The following GRPEL1 variants were observed in gnomAD, a reference collection of about 807,000 sequenced individuals.
GRPEL1 encodes the protein grpE protein homolog 1, mitochondrial.
A neutral mutation model predicts 22.1 loss-of-function variants in GRPEL1; 13 were observed. The ratio of observed to expected loss-of-function variants is 0.59; its 90% CI spans 0.38 to 0.94. The LOEUF (loss-of-function observed/expected upper bound fraction) is 0.94, where lower values mean the gene tolerates loss of function less well. Among genes scored for constraint, GRPEL1 ranks in the 40% least tolerant of loss-of-function variants. The pLI, the probability that GRPEL1 is intolerant of heterozygous loss-of-function variation, is 0.00. For missense variants in GRPEL1, 289 were observed against 264.6 expected (o/e 1.09, Z -0.64); for synonymous variants, 109 against 105.3 (o/e 1.03, Z -0.21).
chr4:7,061,033 G>C lies in GRPEL1; in HGVS notation c.483C>G (p.Leu161=). 6.2e-7 allele frequency: 1 copy of C among 1,614,194 alleles called. No individual in the cohort carries two copies. Among genetic ancestry groups the C allele is most frequent in the Non-Finnish European group, 8.5e-7 (1 of 1,180,036 alleles). ...IQKVFTKHGL[L]KLNPVGAKFD... is the part of the protein sequence containing the mutation. ...ACTTGGCTCCGACAGGGTTCAACTT[G>C]AGCAAGCCATGCTTTGTGAACACCT... Residue 161 remains leucine, a synonymous_variant, in exon 4 of 4, where the codon CTC becomes CTG. Coordinates refer to ENST00000264954, the MANE Select transcript of GRPEL1 (RefSeq NM_025196.4).
chr4:7,064,392 T>C (rs958156491), intron 1 of GRPEL1, 169 bp from the exon 2 acceptor site: 2 of 565,916 alleles, frequency 3.5e-6, no homozygotes, highest in African/African-American at 1.9e-5. Flanking sequence ...ATATAGAAGC[T>C]ATATTAGTAA....
chr4:7,062,945 T>C (rs1724080140), intron 2 of GRPEL1, among the ~76,000 whole-genome samples: 1 of 152,216 alleles, frequency 6.6e-6, no homozygotes, highest in African/African-American at 2.4e-5. Flanking sequence ...GGCAGCTTAA[T>C]GAAAGCTTAA....
Position 7,060,790 on chromosome 4 carries a change from G to A in GRPEL1, c.*72C>T, listed in dbSNP as rs1338660463. The stretch of plus-strand genomic sequence containing the variant: ...TGGGAAAAGGTCACACGTACTCATA[G>A]ATGAGAAACAATGAACCAGCCTTGA... On this transcript the variant is annotated 3_prime_UTR_variant, in exon 4 of 4. Coordinates refer to ENST00000264954, the MANE Select transcript of GRPEL1 (RefSeq NM_025196.4). The A allele has an allele frequency of 7.5e-7, 1 of 1,333,380 alleles. No homozygotes were observed. Among genetic ancestry groups the A allele is most frequent in the Non-Finnish European group, 1.0e-6 (1 of 958,734 alleles). 82.6% of individuals were successfully genotyped at this position (1,333,380 alleles called of 1,614,324 possible). A position where few individuals can be genotyped will look rare whatever the true frequency, so the allele number is the denominator to read the frequency against.
rs1179815093 is a variant in GRPEL1 at position 7,064,157 on chromosome 4, G to A, written c.129C>T (p.Asp43=). 1.1e-5 allele frequency: 18 copies of A among 1,614,062 alleles called. No homozygotes were observed. Among genetic ancestry groups the A allele is most frequent in the Admixed American group, 5.0e-5 (3 of 60,006 alleles). ...CTGCCTTCTGTTCACTCTGACCCAT[G>A]TCCTCTTCCAGGTTCTGGCCACTGT... The part of the protein sequence containing the change: ...QKNSGQNLEE[D]MGQSEQKADP... The change falls in exon 2 of 4, where the codon GAC becomes GAT. Residue 43 remains aspartate, a synonymous_variant. Transcript: ENST00000264954.
chr4:7,060,823 A>T lies in GRPEL1; in HGVS notation c.*39T>A. ...ACAATGAACCAGCCTTGAGAGTTAC[A>T]TCAAGTGAGTTTAAAAACACCCACC... On this transcript the variant is annotated 3_prime_UTR_variant, in exon 4 of 4. Coordinates refer to ENST00000264954, the MANE Select transcript of GRPEL1 (RefSeq NM_025196.4). The T allele has an allele frequency of 6.6e-7, 1 of 1,519,276 alleles. No individual in the cohort carries two copies. The highest frequency in any genetic ancestry group is 9.0e-7 in the Non-Finnish European group (1 of 1,110,542). 94.1% of individuals were successfully genotyped at this position (1,519,276 alleles called of 1,614,324 possible). A position where few individuals can be genotyped will look rare whatever the true frequency, so the allele number is the denominator to read the frequency against.
At chr4:7,062,260 G>C in intron 3 of GRPEL1, 125 bp downstream of exon 3, 1 of 436,332 alleles carries the variant, frequency 2.3e-6, no homozygotes, top group Non-Finnish European at 4.2e-6. Context: ...AAAAATGCAG[G>C]GGATGCAACA....
At chr4:7,066,521 GT>G (rs763508661) in intron 1 of GRPEL1, among the ~76,000 whole-genome samples, 19 of 152,354 alleles carry the variant, frequency 1.2e-4, no homozygotes, top group Non-Finnish European at 2.6e-4. Context: ...CTCCATTACA[GT>G]CTTGCCATGG....
chr4:7,065,279 C>T (rs1042438797), intron 1 of GRPEL1, among the ~76,000 whole-genome samples: 1 of 152,194 alleles, frequency 6.6e-6, no homozygotes, highest in Non-Finnish European at 1.5e-5. Context: ...CTTAGGGAGG[C>T]CAAAGCAGGT....
chr4:7,061,515 G>C, intron 3 of GRPEL1: 2 of 302,692 alleles, frequency 6.6e-6, no homozygotes, highest in South Asian at 7.9e-5. Flanking sequence ...TAGGGGACTG[G>C]AACTCGGAAG....
intron 2 of GRPEL1, 43 bp from the exon 3 acceptor site, chr4:7,062,509 TATATATC>T (rs200984163): frequency 0.023 from 10,365 of 449,288 alleles, 302 homozygotes; most frequent in South Asian, 0.027. Context: ...TATATATATA[TATATATC>T]TTTTTTTTTG....
chr4:7,065,989 G>A (rs1342520999), intron 1 of GRPEL1, among the ~76,000 whole-genome samples: 1 of 152,092 alleles, frequency 6.6e-6, no homozygotes, highest in Non-Finnish European at 1.5e-5. Context: ...GAGTAGCTGG[G>A]ACTATAGGCG....
rs753103637 is a variant in GRPEL1 at position 7,062,355 on chromosome 4, G to A, written c.307+30C>T. 3.0e-5 allele frequency: 36 copies of A among 1,182,146 alleles called. No individual in the cohort carries two copies. The Middle Eastern group carries it at 1.2e-3, about 39-fold the overall frequency. The allele number at this position is 1,182,146 out of a possible 1,614,324, so 73.2% of individuals were successfully genotyped here. ...TTCCCCACCCCATTATCTTCTTTCC[G>A]GAATCAACACCATGTTATGTTGAAA... On this transcript the variant is annotated intron_variant, in intron 3 of 3. Transcript: ENST00000264954.
chr4:7,062,491 TATATATA>T lies in GRPEL1; in HGVS notation c.226-32_226-26del, dbSNP rs760550547. Reference sequence around the variant, plus strand: ...CCTAAAAGAGAAAAAAAGGGATATTTATATATATATATATATATATATATCTTTTTTT... The same window carrying T: ...CCTAAAAGAGAAAAAAAGGGATATTTTATATATATATATATATCTTTTTTT... On this transcript the variant is annotated intron_variant, in intron 2 of 3. Transcript: ENST00000264954. 4 of 733,568 alleles carry T rather than the reference TATATATA, an allele frequency of 5.5e-6. 1 individual carries two copies. The highest frequency in any genetic ancestry group is 2.9e-5 in the South Asian group (1 of 34,810). The allele number at this position is 733,568 out of a possible 1,614,324, so 45.4% of individuals were successfully genotyped here.
chr4:7,060,636 G>C lies in GRPEL1; in HGVS notation c.*226C>G. 1.8e-6 allele frequency: 1 copy of C among 559,466 alleles called. No individual in the cohort carries two copies. Among genetic ancestry groups the C allele is most frequent in the Non-Finnish European group, 3.2e-6 (1 of 316,488 alleles). The allele number at this position is 559,466 out of a possible 1,614,324, so 34.7% of individuals were successfully genotyped here. Reference sequence around the variant, plus strand: ...AGGCAGGGCCCTGCTGAGCTCTTCTGAAAGTATGTGGAACTATTCAACGCG... The same window carrying C: ...AGGCAGGGCCCTGCTGAGCTCTTCTCAAAGTATGTGGAACTATTCAACGCG... On this transcript the variant is annotated 3_prime_UTR_variant, in exon 4 of 4. Transcript: ENST00000264954.
At chr4:7,067,650 G>C (rs56659624) in intron 1 of GRPEL1, 44,056 of 407,488 alleles carry the variant, frequency 0.11, 3,088 homozygotes, top group East Asian at 0.31. Context: ...CCGTGAATGC[G>C]CGCGAGGCGT....
chr4:7,060,787 A>C lies in GRPEL1; in HGVS notation c.*75T>G. The C allele has an allele frequency of 7.6e-7, 1 of 1,313,876 alleles. No individual in the cohort carries two copies. The highest frequency in any genetic ancestry group is 1.4e-5 in the South Asian group (1 of 72,532). 81.4% of individuals were successfully genotyped at this position (1,313,876 alleles called of 1,614,324 possible). ...GTTTGGGAAAAGGTCACACGTACTC[A>C]TAGATGAGAAACAATGAACCAGCCT... On this transcript the variant is annotated 3_prime_UTR_variant, in exon 4 of 4. Transcript: ENST00000264954.
At chr4:7,067,185 C>G (rs1724188341) in intron 1 of GRPEL1, among the ~76,000 whole-genome samples, 1 of 152,084 alleles carries the variant, frequency 6.6e-6, no homozygotes, top group African/African-American at 2.4e-5. Context: ...GTTCTAGGCA[C>G]TTCCTCCAGC....
chr4:7,067,525 G>A (rs1724198577), intron 1 of GRPEL1: 2 of 196,502 alleles, frequency 1.0e-5, no homozygotes, highest in African/African-American at 4.8e-5. Context: ...TCCTGCCCAG[G>A]GCACACCCGG....
Position 7,068,053 on chromosome 4 carries a change from G to A in GRPEL1, c.-21C>T, listed in dbSNP as rs1483139269. 6 of 1,611,468 alleles carry A rather than the reference G, an allele frequency of 3.7e-6. No individual in the cohort carries two copies. The highest frequency in any genetic ancestry group is 3.4e-6 in the Non-Finnish European group (4 of 1,179,088). ...GCCATGACTGCCACTGCCCGTCGCA[G>A]TCGCCGCGCACGCACCAAGCGTGCG... On this transcript the variant is annotated 5_prime_UTR_variant, in exon 1 of 4. Transcript: ENST00000264954.
Sources: allele counts gnomAD v4.1 joint callset (sites outside exome capture counted in the v4.1 genomes callset), GRCh38; gene constraint gnomAD v4.1.1; transcripts MANE v1.5; gene names NCBI Gene and HGNC (gene_info 2026-07-23, HGNC 2026-07-21).